The following PARM1 variants were observed in gnomAD, a reference collection of about 807,000 sequenced individuals.
PARM1 encodes the protein WSC4, cell wall integrity and stress response component 4 homolog.
Under a neutral mutation model 24.6 loss-of-function variants are expected in PARM1, and 14 were observed. The observed-to-expected ratio is 0.57, with a 90% confidence interval of 0.38 to 0.89. PARM1 has a LOEUF of 0.89. Among genes scored for constraint, PARM1 ranks in the 40% least tolerant of loss-of-function variants. The pLI, the probability that PARM1 is intolerant of heterozygous loss-of-function variation, is 0.00. For missense variants in PARM1, 362 were observed against 380.4 expected (o/e 0.95, Z 0.40); for synonymous variants, 179 against 156.6 (o/e 1.14, Z -1.07).
At chr4:75,016,266 A>G (rs952970645) in intron 2 of PARM1, among the ~76,000 whole-genome samples, 3 of 152,330 alleles carry the variant, frequency 2.0e-5, no homozygotes, top group African/African-American at 7.2e-5. Context: ...AACCAAGAGC[A>G]CGATCATTAA....
chr4:75,004,426 G>A (rs911491927), intron 1 of PARM1, among the ~76,000 whole-genome samples: 1 of 152,192 alleles, frequency 6.6e-6, no homozygotes, highest in South Asian at 2.1e-4. Context: ...TCAAGTTGCA[G>A]AATATTTCAT....
intron 2 of PARM1, among the ~76,000 whole-genome samples, chr4:75,032,249 T>A (rs959752062): frequency 6.6e-6 from 1 of 152,202 alleles, no homozygotes; most frequent in African/African-American, 2.4e-5. Context: ...GGTCTTAGTC[T>A]TAATGTTAGC....
At chr4:75,025,921 A>T (rs1313263344) in intron 2 of PARM1, among the ~76,000 whole-genome samples, 1 of 152,202 alleles carries the variant, frequency 6.6e-6, no homozygotes, top group Non-Finnish European at 1.5e-5. Flanking sequence ...AAGAGTATAA[A>T]CATGAGGTAA....
chr4:75,015,160 T>C (rs904967876), intron 2 of PARM1, among the ~76,000 whole-genome samples: 7 of 152,202 alleles, frequency 4.6e-5, no homozygotes, highest in African/African-American at 1.7e-4. Flanking sequence ...AAGCTTAGCA[T>C]ACATGAATCT....
At chr4:74,960,913 G>A (rs1721758725) in intron 1 of PARM1, among the ~76,000 whole-genome samples, 1 of 151,770 alleles carries the variant, frequency 6.6e-6, no homozygotes, top group South Asian at 2.1e-4. Context: ...GCTGAGGCAG[G>A]AGAATGGCGT....
At chr4:74,954,924 C>G (rs1039961597) in intron 1 of PARM1, among the ~76,000 whole-genome samples, 1 of 152,166 alleles carries the variant, frequency 6.6e-6, no homozygotes, top group Admixed American at 6.5e-5. Context: ...TGTGTAAATT[C>G]AGGAAACCTG....
At chr4:75,045,201 G>A (rs554059733) in intron 3 of PARM1, among the ~76,000 whole-genome samples, 7 of 152,214 alleles carry the variant, frequency 4.6e-5, no homozygotes, top group Admixed American at 1.3e-4. Flanking sequence ...TGAGGCAAAG[G>A]TGTGTCAGGC....
chr4:75,024,477 C>A (rs1025606975), intron 2 of PARM1, among the ~76,000 whole-genome samples: 1 of 152,124 alleles, frequency 6.6e-6, no homozygotes, highest in Non-Finnish European at 1.5e-5. Flanking sequence ...TAAACTTGCA[C>A]ACTGCTTGGC....
At chr4:75,019,850 A>G (rs1723055213) in intron 2 of PARM1, among the ~76,000 whole-genome samples, 1 of 150,646 alleles carries the variant, frequency 6.6e-6, no homozygotes, top group Non-Finnish European at 1.5e-5. Context: ...AAAAATACAA[A>G]AAATTAGCCG....
At chr4:75,011,288 G>A (rs1722865039) in intron 1 of PARM1, among the ~76,000 whole-genome samples, 1 of 152,206 alleles carries the variant, frequency 6.6e-6, no homozygotes, top group Non-Finnish European at 1.5e-5. Flanking sequence ...AGGGGAGATA[G>A]TGACAAGTGG....
chr4:75,026,030 TGA>T (rs1723176849), intron 2 of PARM1, among the ~76,000 whole-genome samples: 1 of 152,228 alleles, frequency 6.6e-6, no homozygotes, highest in African/African-American at 2.4e-5. Flanking sequence ...GTAAAGATTT[TGA>T]GAGAGGAGTA....
chr4:75,032,972 T>C (rs187133228), intron 2 of PARM1, among the ~76,000 whole-genome samples: 66 of 152,338 alleles, frequency 4.3e-4, no homozygotes, highest in South Asian at 6.2e-4. Context: ...GAAATGAAAC[T>C]AAAGTATATT....
chr4:75,035,216 ACTGT>A (rs1216838753), intron 3 of PARM1, among the ~76,000 whole-genome samples: 4 of 152,118 alleles, frequency 2.6e-5, no homozygotes, highest in Non-Finnish European at 5.9e-5. Flanking sequence ...GGATGTGACC[ACTGT>A]CTATTATTTT....
At chr4:74,976,216 G>A (rs771381730) in intron 1 of PARM1, among the ~76,000 whole-genome samples, 74 of 152,210 alleles carry the variant, frequency 4.9e-4, no homozygotes, top group African/African-American at 1.7e-3. Flanking sequence ...GGTTCCTGGG[G>A]AGAGGGGTGA....
chr4:74,946,222 T>TA (rs1253553823), intron 1 of PARM1, among the ~76,000 whole-genome samples: 2 of 152,216 alleles, frequency 1.3e-5, no homozygotes, highest in African/African-American at 2.4e-5. Flanking sequence ...GACTAGACGT[T>TA]GAACCCAGGT....
chr4:74,933,437 G>C, intron 1 of PARM1, 67 bp downstream of exon 1: 1 of 1,417,584 alleles, frequency 7.1e-7, no homozygotes, highest in Non-Finnish European at 1.0e-6. Context: ...CGCGTGGTCG[G>C]GGCTGAAGCT....
intron 1 of PARM1, among the ~76,000 whole-genome samples, chr4:74,936,546 C>T (rs1054638951): frequency 2.0e-5 from 3 of 151,602 alleles, no homozygotes; most frequent in African/African-American, 4.8e-5. Context: ...CTCCGCCTCC[C>T]GGGTTCACGC....
chr4:74,977,989 C>T (rs577433483), intron 1 of PARM1, among the ~76,000 whole-genome samples: 1 of 152,276 alleles, frequency 6.6e-6, no homozygotes, highest in African/African-American at 2.4e-5. Context: ...AAAGGAAAAA[C>T]CATTACCAGC....
intron 1 of PARM1, among the ~76,000 whole-genome samples, chr4:75,008,542 T>A (rs1477402633): frequency 6.6e-6 from 1 of 152,250 alleles, no homozygotes; most frequent in Non-Finnish European, 1.5e-5. Context: ...TTCTTATTCT[T>A]TCAGGACGAA....
Sources: gnomAD v4.1 joint callset for allele counts (sites outside exome capture counted in the v4.1 genomes callset) on GRCh38, gnomAD v4.1.1 for gene constraint, MANE v1.5 for transcripts, NCBI Gene and HGNC (gene_info 2026-07-23, HGNC 2026-07-21) for gene names.